CLMP: variants seen among roughly 807,000 people sequenced by gnomAD.
CLMP encodes CXADR-like membrane protein.
In CLMP, 27 loss-of-function variants were observed where a neutral mutation model predicts 45.2. That is an observed-to-expected ratio of 0.60 (90% CI 0.44 to 0.82). The LOEUF is 0.82. CLMP is among the 40% of genes least tolerant of loss of function. CLMP has a pLI of 0.00. For missense variants in CLMP, 403 were observed against 448.4 expected (o/e 0.90, Z 0.91); for synonymous variants, 167 against 171.4 (o/e 0.97, Z 0.20).
chr11:123,083,750 A>G lies in CLMP; in HGVS notation c.486T>C (p.Ile162=), dbSNP rs1865831170. ...QCESSSGTEP[I]VYYWQRIREK... is the part of the protein sequence containing the mutation. ...CTCGGATTCGCTGCCAGTAATACAC[A>G]ATGGGCTCTGTGCCAGAGGATGACT... Residue 162 remains isoleucine (I), a synonymous_variant, in exon 4 of 7, where the codon ATT becomes ATC. Coordinates refer to ENST00000448775, the MANE Select transcript of CLMP (RefSeq NM_024769.5). 1 of 1,614,080 alleles carries G rather than the reference A, an allele frequency of 6.2e-7. No homozygotes were observed. The highest frequency in any genetic ancestry group is 8.5e-7 in the Non-Finnish European group (1 of 1,180,026).
intron 2 of CLMP, among the ~76,000 whole-genome samples, chr11:123,085,163 G>A (rs11218963): frequency 0.021 from 3,143 of 150,104 alleles, 104 homozygotes; most frequent in East Asian, 0.18. Context: ...GAACGATGTC[G>A]GCAAACCTGC....
rs187429439 is a variant in CLMP at position 123,118,684 on chromosome 11, G to A, written c.29-20732C>T. ...AGACCTGGCATTGCAATTTGGCTCC[G>A]ACACCCAGTTTATATCCCAGCAGAA... On this transcript the variant is annotated intron_variant, in intron 1 of 6. Coordinates refer to ENST00000448775, the MANE Select transcript of CLMP (RefSeq NM_024769.5). 2.2e-4 allele frequency among the ~76,000 whole-genome samples: 34 copies of A among 152,196 alleles called. No individual in the cohort carries two copies. In the South Asian group the frequency reaches 2.7e-3, roughly 12 times the overall value.
intron 2 of CLMP, among the ~76,000 whole-genome samples, chr11:123,095,698 G>A (rs1865980707): frequency 6.6e-6 from 1 of 152,156 alleles, no homozygotes; most frequent in South Asian, 2.1e-4. Context: ...CAACCAAGGA[G>A]CAGGGTGAGG....
intron 1 of CLMP, among the ~76,000 whole-genome samples, chr11:123,181,383 C>T (rs2135547949): frequency 6.6e-6 from 1 of 152,374 alleles, no homozygotes. Flanking sequence ...CCTGCCCTGG[C>T]TCACCCCAAT....
intron 1 of CLMP, among the ~76,000 whole-genome samples, chr11:123,153,774 C>T (rs1384656222): frequency 3.3e-5 from 5 of 151,966 alleles, no homozygotes; most frequent in African/African-American, 1.2e-4. Flanking sequence ...CCTCGACCTC[C>T]TGGGTTCATG....
intron 1 of CLMP, among the ~76,000 whole-genome samples, chr11:123,191,180 G>A (rs1016545184): frequency 1.3e-5 from 2 of 152,158 alleles, no homozygotes; most frequent in Non-Finnish European, 2.9e-5. Context: ...CAGTCTCTTA[G>A]TTTTCCTCCA....
At chr11:123,133,522 C>G (rs1861021978) in intron 1 of CLMP, among the ~76,000 whole-genome samples, 1 of 152,146 alleles carries the variant, frequency 6.6e-6, no homozygotes, top group Admixed American at 6.5e-5. Flanking sequence ...TATAAACTTC[C>G]ACTTTCGCTT....
At chr11:123,100,587 G>A (rs564857108) in intron 1 of CLMP, among the ~76,000 whole-genome samples, 5 of 152,150 alleles carry the variant, frequency 3.3e-5, no homozygotes, top group East Asian at 3.9e-4. Flanking sequence ...CCCAGGCGGC[G>A]CCTCCCTTTC....
chr11:123,153,141 C>T (rs1015846383), intron 1 of CLMP, among the ~76,000 whole-genome samples: 1 of 152,098 alleles, frequency 6.6e-6, no homozygotes, highest in East Asian at 1.9e-4. Flanking sequence ...TGGACCACGC[C>T]GATGGAACTC....
chr11:123,137,147 C>CTTTTTTTTTTTT (rs375816483), intron 1 of CLMP, among the ~76,000 whole-genome samples: 11 of 82,454 alleles, frequency 1.3e-4, no homozygotes, highest in East Asian at 7.3e-4. Flanking sequence ...TTTTCTTTTT[C>CTTTTTTTTTTTT]TTTTTTTTTT....
chr11:123,194,969 G>A lies in CLMP; in HGVS notation c.-29C>T, dbSNP rs1240977313. 1 of 1,609,750 alleles carries A rather than the reference G, an allele frequency of 6.2e-7. No homozygotes were observed. Among genetic ancestry groups the A allele is most frequent in the Non-Finnish European group, 8.5e-7 (1 of 1,178,074 alleles). On this transcript the variant is annotated 5_prime_UTR_variant, in exon 1 of 7. Transcript: ENST00000448775. ...GATCCCCGGACGCGGGCGCTTCCCC[G>A]CTCAGCTGCTGCTTGGCTCCGGGGC...
At chr11:123,097,346 C>CA (rs1555079416) in intron 2 of CLMP, among the ~76,000 whole-genome samples, 1 of 150,768 alleles carries the variant, frequency 6.6e-6, no homozygotes, top group Non-Finnish European at 1.5e-5. Context: ...TTCTTTCTTT[C>CA]TTTTTTTTTG....
Position 123,097,853 on chromosome 11 carries a change from T to C in CLMP, c.128A>G (p.Glu43Gly). 1 of 1,611,052 alleles carries C rather than the reference T, an allele frequency of 6.2e-7. No homozygotes were observed. The highest frequency in any genetic ancestry group is 8.5e-7 in the Non-Finnish European group (1 of 1,178,698). ...CCATTCAATATCCAGAGTGTCTTTT[T>C]CTGGAAGCCCCAGTTGATGGTGGCA... ...LPCHHQLGLP[E>G]KDTLDIEWLL... is the part of the protein sequence containing the mutation. The change falls in exon 2 of 7, where the codon GAA (glutamate) becomes GGA (glycine). Residue 43 changes from glutamate (E) to glycine (G), a missense_variant. Physicochemically the swap from Glu to Gly is moderately conservative, Grantham distance 98. Transcript: ENST00000448775.
At chr11:123,089,844 A>C (rs2135474421) in intron 2 of CLMP, among the ~76,000 whole-genome samples, 1 of 151,946 alleles carries the variant, frequency 6.6e-6, no homozygotes, top group South Asian at 2.1e-4. Context: ...TCACACCTGT[A>C]ATCTCAGCAT....
intron 1 of CLMP, among the ~76,000 whole-genome samples, chr11:123,176,043 TG>T (rs767840132): frequency 2.0e-5 from 3 of 152,224 alleles, no homozygotes; most frequent in Non-Finnish European, 4.4e-5. Context: ...GTAATCTGCA[TG>T]TGTATAAAAT....
rs560253954 is a variant in CLMP, at chr11:123,096,387, G to A, written c.186+1408C>T. Among the ~76,000 whole-genome samples, 3 of 152,116 alleles carry A rather than the reference G, an allele frequency of 2.0e-5. No homozygotes were observed. The South Asian group carries it at 6.2e-4, about 32-fold the overall frequency. ...ACAACAACAAAAATCAGCCAGGCGT[G>A]GTGGTGCACGTCTGTAATCCCAGCT... On this transcript the variant is annotated intron_variant, in intron 2 of 6. Coordinates refer to ENST00000448775, the MANE Select transcript of CLMP (RefSeq NM_024769.5).
intron 1 of CLMP, among the ~76,000 whole-genome samples, chr11:123,102,284 T>TG (rs201957923): frequency 0.018 from 2,712 of 147,432 alleles, 102 homozygotes; most frequent in African/African-American, 0.065. Context: ...TCCAGGTTTT[T>TG]TTTTTTTTTT....
At chr11:123,184,089 T>G (rs1861802900) in intron 1 of CLMP, among the ~76,000 whole-genome samples, 1 of 152,184 alleles carries the variant, frequency 6.6e-6, no homozygotes, top group Non-Finnish European at 1.5e-5. Flanking sequence ...GAAATCATAT[T>G]TTAATTAATT....
chr11:123,137,048 G>T (rs1169164528), intron 1 of CLMP, among the ~76,000 whole-genome samples: 3 of 150,436 alleles, frequency 2.0e-5, no homozygotes, highest in African/African-American at 7.3e-5. Context: ...AGCCCCGTAT[G>T]TTTCCATTCA....
Sources: allele counts gnomAD v4.1 joint callset (sites outside exome capture counted in the v4.1 genomes callset), GRCh38; gene constraint gnomAD v4.1.1; transcripts MANE v1.5; gene names NCBI Gene and HGNC (gene_info 2026-07-23, HGNC 2026-07-21).